Variants in HEPHL1 observed in about 807,000 individuals in gnomAD.
HEPHL1 encodes hephaestin like 1.
Under a neutral mutation model 122.0 loss-of-function variants are expected in HEPHL1, and 123 were observed. That is an observed-to-expected ratio of 1.01 (90% CI 0.87 to 1.17). The LOEUF (loss-of-function observed/expected upper bound fraction) is 1.17. Ranked by LOEUF, HEPHL1 falls within the 50% of genes most tolerant of loss-of-function variation. The pLI, the probability that HEPHL1 is intolerant of heterozygous loss-of-function variation, is 0.00. For synonymous variants in HEPHL1, 527 were observed against 508.9 expected (o/e 1.04, Z -0.48); for missense variants, 1,452 against 1,430.5 (o/e 1.01, Z -0.24).
intron 1 of HEPHL1, among the ~76,000 whole-genome samples, chr11:94,022,303 T>C (rs1945588711): frequency 6.6e-6 from 1 of 152,218 alleles, no homozygotes; most frequent in South Asian, 2.1e-4. Flanking sequence ...CCAGAAGATG[T>C]CATGCTATTT....
Position 94,045,884 on chromosome 11 carries a change from C to A in HEPHL1, c.382C>A (p.Pro128Thr). ...NFASRPYSLHPHGVFYNKDSE... is the reference protein window; with the variant it reads ...NFASRPYSLHTHGVFYNKDSE... ...TGCTTCTCGACCTTACTCTCTGCAT[C>A]CACATGGCGTTTTCTACAACAAAGA... The change falls in exon 2 of 20, where the codon CCA (proline) becomes ACA (threonine). Residue 128 changes from proline to threonine, a missense_variant. Physicochemically the swap from Pro to Thr is conservative, Grantham distance 38. Coordinates refer to ENST00000315765, the MANE Select transcript of HEPHL1 (RefSeq NM_001098672.2). 1 of 1,613,852 alleles carries A rather than the reference C, an allele frequency of 6.2e-7. No homozygotes were observed. Among genetic ancestry groups the A allele is most frequent in the Non-Finnish European group, 8.5e-7 (1 of 1,179,792 alleles).
intron 13 of HEPHL1, among the ~76,000 whole-genome samples, chr11:94,097,443 G>T (rs1156902417): frequency 6.6e-6 from 1 of 152,108 alleles, no homozygotes; most frequent in African/African-American, 2.4e-5. Flanking sequence ...CCAACTATGT[G>T]GTCAGTTTTG....
intron 14 of HEPHL1, among the ~76,000 whole-genome samples, chr11:94,101,785 C>A (rs769929108): frequency 6.6e-6 from 1 of 152,168 alleles, no homozygotes; most frequent in Non-Finnish European, 1.5e-5. Flanking sequence ...TAACCCCTGG[C>A]AACCACTGAT....
At chr11:94,108,650 A>C (rs1379752800) in intron 17 of HEPHL1, among the ~76,000 whole-genome samples, 2 of 151,872 alleles carry the variant, frequency 1.3e-5, no homozygotes, top group Non-Finnish European at 2.9e-5. Flanking sequence ...CATTGAAAAG[A>C]TCATCTTTTT....
intron 6 of HEPHL1, among the ~76,000 whole-genome samples, chr11:94,072,058 G>A (rs1248703821): frequency 6.6e-6 from 1 of 152,106 alleles, no homozygotes; most frequent in African/African-American, 2.4e-5. Flanking sequence ...TTTGGAGCAG[G>A]TAAATAGCAA....
chr11:94,076,528 G>T (rs1946126349), intron 9 of HEPHL1, among the ~76,000 whole-genome samples: 1 of 152,084 alleles, frequency 6.6e-6, no homozygotes, highest in South Asian at 2.1e-4. Flanking sequence ...TTTGAGGTTT[G>T]CTAGAAGCAC....
chr11:94,088,861 C>T lies in HEPHL1; in HGVS notation c.2187C>T (p.Tyr729=), dbSNP rs113614754. 3.0e-4 allele frequency: 488 copies of T among 1,613,832 alleles called. No homozygotes were observed. The African/African-American group carries it at 5.9e-3, about 19-fold the overall frequency. Residue 729 remains tyrosine (Y), a synonymous_variant, in exon 12 of 20, where the codon TAC becomes TAT. Transcript: ENST00000315765. ...CDNRDPSEQR[Y]GMIRTFYIAA... is the part of the protein sequence containing the mutation. ...ACAGGGACCCTTCTGAGCAGCGGTA[C>T]GGGATGATAAGAACTTTTTACATCG...
chr11:94,085,033 T>A (rs1277924952), intron 10 of HEPHL1, among the ~76,000 whole-genome samples: 1 of 152,216 alleles, frequency 6.6e-6, no homozygotes. Flanking sequence ...GTCACTCATG[T>A]GCATGATAAT....
At position 94,104,586 on chromosome 11, in the gene HEPHL1, A is replaced by T; in HGVS notation, c.2741A>T (p.Glu914Val). The T allele has an allele frequency of 6.2e-7, 1 of 1,613,890 alleles. No individual in the cohort carries two copies. Among genetic ancestry groups the T allele is most frequent in the Non-Finnish European group, 8.5e-7 (1 of 1,179,824 alleles). ...ACATGCCGAAAAGGAGTCTTGAATG[A>T]AAAGGGAAGAAGAAGTGACGTTGAT... The part of the protein sequence containing the change: ...LITCRKGVLN[E>V]KGRRSDVDYE... The change falls in exon 16 of 20, where the codon GAA becomes GTA. Residue 914 changes from glutamate (E) to valine (V), a missense_variant. Glu to Val is a moderately radical substitution (Grantham distance 121, BLOSUM62 -2). Coordinates refer to ENST00000315765, the MANE Select transcript of HEPHL1 (RefSeq NM_001098672.2).
At chr11:94,033,790 G>T (rs1460639346) in intron 1 of HEPHL1, among the ~76,000 whole-genome samples, 2 of 152,226 alleles carry the variant, frequency 1.3e-5, no homozygotes, top group Non-Finnish European at 2.9e-5. Flanking sequence ...GAGTTGCTGG[G>T]GCTTAGGAAT....
intron 13 of HEPHL1, among the ~76,000 whole-genome samples, chr11:94,097,166 A>G (rs1001813011): frequency 6.6e-6 from 1 of 152,116 alleles, no homozygotes; most frequent in East Asian, 1.9e-4. Flanking sequence ...AGTGCTATAA[A>G]TTTCCCTCTA....
At position 94,067,632 on chromosome 11, in the gene HEPHL1, C is replaced by T; in HGVS notation, c.945C>T (p.Ser315=). Residue 315 remains serine (S), a synonymous_variant, in exon 5 of 20, where the codon AGC becomes AGT. Transcript: ENST00000315765. ...SIYFYGNTFI[S]RGHRTDVVNL... Reference sequence around the variant, plus strand: ...ATTTCTATGGTAACACCTTCATCAGCAGAGGGCATCGGACTGATGTCGTCA... The same window carrying T: ...ATTTCTATGGTAACACCTTCATCAGTAGAGGGCATCGGACTGATGTCGTCA... The T allele has an allele frequency of 6.2e-7, 1 of 1,613,796 alleles. No individual in the cohort carries two copies. Among genetic ancestry groups the T allele is most frequent in the South Asian group, 1.1e-5 (1 of 91,084 alleles).
chr11:94,075,114 T>G, intron 8 of HEPHL1, 60 bp from the exon 9 acceptor site: 1 of 1,456,806 alleles, frequency 6.9e-7, no homozygotes, highest in Non-Finnish European at 9.5e-7. Context: ...GAAGACCCAG[T>G]CTGACCAATG....
At chr11:94,080,723 A>C (rs897328749) in intron 9 of HEPHL1, among the ~76,000 whole-genome samples, 1 of 152,250 alleles carries the variant, frequency 6.6e-6, no homozygotes, top group Non-Finnish European at 1.5e-5. Flanking sequence ...GAGAAATGCA[A>C]ATGAAAACCA....
intron 9 of HEPHL1, among the ~76,000 whole-genome samples, chr11:94,080,857 T>C (rs1027032053): frequency 2.0e-5 from 3 of 152,184 alleles, no homozygotes; most frequent in Non-Finnish European, 4.4e-5. Context: ...TGTAAATTAG[T>C]TCAACCATTG....
In HEPHL1 at chr11:94,093,639, G is replaced by A. The variant is rs769982790; in HGVS notation, c.2433G>A (p.Leu811=). The A allele has an allele frequency of 6.8e-6, 11 of 1,612,566 alleles. No homozygotes were observed. The highest frequency in any genetic ancestry group is 2.2e-5 in the East Asian group (1 of 44,816). Residue 811 remains leucine, a splice_region_variant and synonymous_variant, in exon 13 of 20, where the codon CTG becomes CTA. Coordinates refer to ENST00000315765, the MANE Select transcript of HEPHL1 (RefSeq NM_001098672.2). ...CACGAGAGGAGCACTTAGAACTCCT[G>A]GGTATGGCACAGATTTCAGGCGTGC... The part of the protein sequence containing the change: ...RPPREEHLEL[L]GPMIHAEVGN...
In HEPHL1 at chr11:94,111,723, T is replaced by C. The variant is rs1161005574; in HGVS notation, c.3309T>C (p.Phe1103=). 1 of 1,608,270 alleles carries C rather than the reference T, an allele frequency of 6.2e-7. No homozygotes were observed. The highest frequency in any genetic ancestry group is 8.5e-7 in the Non-Finnish European group (1 of 1,176,974). Reference sequence around the variant, plus strand: ...CTGGCAAAGAGCAGCTCTATTTCTTTGGCAAGAATCTGGGTCCAACAGGAG... The same window carrying C: ...CTGGCAAAGAGCAGCTCTATTTCTTCGGCAAGAATCTGGGTCCAACAGGAG... ...ERPGKEQLYF[F]GKNLGPTGAK... The change falls in exon 20 of 20, where the codon TTT becomes TTC. Residue 1103 remains phenylalanine (F), a synonymous_variant. Coordinates refer to ENST00000315765, the MANE Select transcript of HEPHL1 (RefSeq NM_001098672.2).
intron 2 of HEPHL1, among the ~76,000 whole-genome samples, chr11:94,060,000 T>G (rs758549020): frequency 5.9e-5 from 9 of 151,466 alleles, no homozygotes; most frequent in Non-Finnish European, 1.2e-4. Flanking sequence ...TATAAATCTC[T>G]CCATATAGAA....
rs1565365087 is a variant in HEPHL1 at position 94,111,069 on chromosome 11, CG to C, written c.3208+6del. On this transcript the variant is annotated splice_donor_5th_base_variant and intron_variant, in intron 18 of 19. Coordinates refer to ENST00000315765, the MANE Select transcript of HEPHL1 (RefSeq NM_001098672.2). ...TACACGGTCCTTCGTAACATAGGTA[CG>C]GTTGTCTGTCAGTGATGCCAGATGA... The C allele has an allele frequency of 1.3e-5, 20 of 1,567,000 alleles. No individual in the cohort carries two copies. Among genetic ancestry groups the C allele is most frequent in the Non-Finnish European group, 1.7e-5 (20 of 1,152,878 alleles).
Sources: gnomAD v4.1 joint callset for allele counts (sites outside exome capture counted in the v4.1 genomes callset) on GRCh38, gnomAD v4.1.1 for gene constraint, MANE v1.5 for transcripts, NCBI Gene and HGNC (gene_info 2026-07-23, HGNC 2026-07-21) for gene names.